Variants in ZNF280D observed in about 807,000 individuals in gnomAD.
ZNF280D encodes the protein zinc finger protein 280D.
In ZNF280D, 39 loss-of-function variants were observed where a neutral mutation model predicts 94.7. The observed-to-expected ratio is 0.41, with a 90% CI of 0.32 to 0.54. ZNF280D has a LOEUF of 0.54. ZNF280D is among the 20% of genes least tolerant of loss of function. The probability of loss-of-function intolerance (pLI) is 0.22; values close to 1 mark genes in which losing one functional copy is unlikely to be tolerated. For missense variants in ZNF280D, 1,090 were observed against 1,149.3 expected, an observed-to-expected ratio of 0.95 and a Z score of 0.75; for synonymous variants, 398 against 377.6, an observed-to-expected ratio of 1.05 and a Z score of -0.63.
chr15:56,666,895 G>A lies in ZNF280D; in HGVS notation c.1637C>T (p.Pro546Leu), dbSNP rs1322124630. ...AGCAGTTATATTTTTAGTCCTTGGA[G>A]GTGAGAGCTGAAGGGTAGAAGCACT... is the stretch of plus-strand genomic sequence containing the variant. ...SASASTLQLSPPRTKNITAKN... is the reference protein window; with the variant it reads ...SASASTLQLSLPRTKNITAKN... Residue 546 changes from proline to leucine, a missense_variant, in exon 15 of 22, where the codon CCT becomes CTT. This residue lies in a region of ZNF280D where 577 missense variants were observed against 568.8 expected (regional missense o/e 1.01). Coordinates refer to ENST00000267807, the MANE Select transcript of ZNF280D (RefSeq NM_017661.4). 1 of 1,613,750 alleles carries A rather than the reference G, an allele frequency of 6.2e-7. No individual in the cohort carries two copies. Among genetic ancestry groups the A allele is most frequent in the Admixed American group, 1.7e-5 (1 of 59,946 alleles).
chr15:56,718,053 C>A (rs2058140714), intron 1 of ZNF280D, among the ~76,000 whole-genome samples: 1 of 151,824 alleles, frequency 6.6e-6, no homozygotes, highest in African/African-American at 2.4e-5. Flanking sequence ...ATATTTCCTT[C>A]TAGTGGAGGT....
At chr15:56,686,375 G>A (rs1344106484) in intron 9 of ZNF280D, among the ~76,000 whole-genome samples, 1 of 152,150 alleles carries the variant, frequency 6.6e-6, no homozygotes, top group Admixed American at 6.5e-5. Context: ...CTGACCTCAG[G>A]TGATCTGCTG....
intron 20 of ZNF280D, among the ~76,000 whole-genome samples, chr15:56,639,550 A>G (rs2052524089): frequency 6.6e-6 from 1 of 152,142 alleles, no homozygotes; most frequent in Non-Finnish European, 1.5e-5. Context: ...AAGTTTCCAA[A>G]AAGAAAAAAA....
At chr15:56,676,977 C>T (rs1277373150) in intron 12 of ZNF280D, among the ~76,000 whole-genome samples, 161 bp from the exon 13 acceptor site, 1 of 152,140 alleles carries the variant, frequency 6.6e-6, no homozygotes, top group Non-Finnish European at 1.5e-5. Context: ...CACCAAAAGA[C>T]CATCTTTGAG....
chr15:56,638,809 A>G (rs1264032320), intron 20 of ZNF280D, among the ~76,000 whole-genome samples: 1 of 152,160 alleles, frequency 6.6e-6, no homozygotes, highest in Admixed American at 6.6e-5. Flanking sequence ...ATATATTTAA[A>G]TAGTATCCGC....
chr15:56,631,979 C>A lies in ZNF280D; in HGVS notation c.2459G>T (p.Gly820Val), dbSNP rs142282548. 1.9e-6 allele frequency: 3 copies of A among 1,613,996 alleles called. No individual in the cohort carries two copies. The highest frequency in any genetic ancestry group is 2.5e-6 in the Non-Finnish European group (3 of 1,179,984). ...ATCACAACTGACGATGTTTTTTGAG[C>A]CAGTTTCCTGGTCTGCAAGACAGGT... The part of the protein sequence containing the change: ...NETCLADQET[G>V]SKNIVSCDSN... The change falls in exon 22 of 22, where the codon GGC becomes GTC. Residue 820 changes from glycine (G) to valine (V), a missense_variant. By Grantham distance (109) the Gly-to-Val change is moderately radical. This residue lies in a region of ZNF280D where 577 missense variants were observed against 568.8 expected (regional missense o/e 1.01). Transcript: ENST00000267807.
intron 1 of ZNF280D, among the ~76,000 whole-genome samples, chr15:56,716,142 A>G (rs1202973398): frequency 6.6e-6 from 1 of 152,114 alleles, no homozygotes; most frequent in African/African-American, 2.4e-5. Flanking sequence ...AGCTGTACTG[A>G]TTGAACATTT....
At chr15:56,714,591 A>T (rs1192533413) in intron 1 of ZNF280D, among the ~76,000 whole-genome samples, 1 of 152,210 alleles carries the variant, frequency 6.6e-6, no homozygotes, top group Non-Finnish European at 1.5e-5. Flanking sequence ...GGGAAAATCC[A>T]GGTCCTGGAA....
intron 6 of ZNF280D, among the ~76,000 whole-genome samples, chr15:56,693,604 T>G (rs1213010237): frequency 6.6e-6 from 1 of 151,820 alleles, no homozygotes; most frequent in African/African-American, 2.4e-5. Flanking sequence ...AAAGATTCAG[T>G]ATCCCCATTA....
intron 3 of ZNF280D, among the ~76,000 whole-genome samples, chr15:56,705,697 A>G (rs1312146441): frequency 1.3e-5 from 2 of 152,152 alleles, no homozygotes; most frequent in Admixed American, 6.5e-5. Context: ...ACTTTCCTTC[A>G]AAATCTGAAC....
At chr15:56,662,062 A>G (rs1432295370) in intron 16 of ZNF280D, among the ~76,000 whole-genome samples, 1 of 152,116 alleles carries the variant, frequency 6.6e-6, no homozygotes, top group East Asian at 1.9e-4. Context: ...AAATACATGA[A>G]CCTGGTTGAA....
At chr15:56,725,855 G>A (rs2058604149) in intron 1 of ZNF280D, among the ~76,000 whole-genome samples, 1 of 151,832 alleles carries the variant, frequency 6.6e-6, no homozygotes, top group African/African-American at 2.4e-5. Flanking sequence ...CATTAATTAT[G>A]TGTAAGGCAT....
At chr15:56,671,809 A>T (rs182597391) in intron 13 of ZNF280D, among the ~76,000 whole-genome samples, 1 of 152,186 alleles carries the variant, frequency 6.6e-6, no homozygotes, top group Non-Finnish European at 1.5e-5. Context: ...ATCCATGAGC[A>T]TGGAATGTTT....
At position 56,677,693 on chromosome 15, in the gene ZNF280D, C is replaced by A. The variant is rs774519079; in HGVS notation, c.1163-19G>T. ...CAAATAGCTAAATGTGGGAGAGAAA[C>A]AGTATAATAATATTTAAGATATTAA... On this transcript the variant is annotated intron_variant, in intron 11 of 21. Transcript: ENST00000267807. 1.2e-5 allele frequency: 15 copies of A among 1,220,790 alleles called. No homozygotes were observed. The East Asian group carries it at 3.3e-4, about 27-fold the overall frequency. The allele number at this position is 1,220,790 out of a possible 1,614,324, so 75.6% of individuals were successfully genotyped here. A position where few individuals can be genotyped will look rare whatever the true frequency, so the allele number is the denominator to read the frequency against.
In ZNF280D at chr15:56,682,410, T is replaced by C. The variant is rs1440653234; in HGVS notation, c.848A>G (p.Asn283Ser). ...CTCTGAATCAATAGTTGTGTTTTTATTTACTGTACTTGAAAATTCTGTTTT... is the reference window on the plus strand; with the variant it reads ...CTCTGAATCAATAGTTGTGTTTTTACTTACTGTACTTGAAAATTCTGTTTT... ...LAKTEFSSTV[N>S]KNTTIDSEKG... The change falls in exon 10 of 22, where the codon AAT becomes AGT. Residue 283 changes from asparagine (N) to serine (S), a missense_variant. Coordinates refer to ENST00000267807, the MANE Select transcript of ZNF280D (RefSeq NM_017661.4). 2 of 1,591,374 alleles carry C rather than the reference T, an allele frequency of 1.3e-6. No individual in the cohort carries two copies. The highest frequency in any genetic ancestry group is 1.9e-5 in the Admixed American group (1 of 53,338).
At chr15:56,669,993 TATATTATATATATATA>T (rs2054727582) in intron 13 of ZNF280D, among the ~76,000 whole-genome samples, 1 of 1,852 alleles carries the variant, frequency 5.4e-4, no homozygotes, top group African/African-American at 1.1e-3. Context: ...ATTATATATA[TATATTATATATATATA>T]ATATATATAT....
At chr15:56,693,753 G>C (rs1403333594) in intron 6 of ZNF280D, among the ~76,000 whole-genome samples, 2 of 152,016 alleles carry the variant, frequency 1.3e-5, no homozygotes, top group African/African-American at 4.8e-5. Context: ...CAAACAAACG[G>C]AATCAATCTG....
intron 9 of ZNF280D, among the ~76,000 whole-genome samples, chr15:56,685,962 C>G (rs2055979912): frequency 6.6e-6 from 1 of 151,998 alleles, no homozygotes; most frequent in Non-Finnish European, 1.5e-5. Context: ...ACACCTAAAA[C>G]AAAGTAATTC....
At chr15:56,640,458 T>C (rs534041631) in intron 20 of ZNF280D, among the ~76,000 whole-genome samples, 7 of 152,168 alleles carry the variant, frequency 4.6e-5, no homozygotes, top group Non-Finnish European at 7.4e-5. Flanking sequence ...TTTTCTAGAA[T>C]GTTAGTCAGA....
Sources: gnomAD v4.1 joint callset for allele counts (sites outside exome capture counted in the v4.1 genomes callset) on GRCh38, gnomAD v4.1.1 for gene constraint, gnomAD v4.1.1 regional missense constraint, MANE v1.5 for transcripts, NCBI Gene and HGNC (gene_info 2026-07-23, HGNC 2026-07-21) for gene names.